Variants in MTG2 observed in about 807,000 individuals in gnomAD.
MTG2 encodes mitochondrial ribosome associated GTPase 2, also known as mitochondrial ribosome-associated GTPase 2.
A neutral mutation model predicts 28.6 loss-of-function variants in MTG2; 23 were observed. The ratio of observed to expected loss-of-function variants is 0.80; its 90% confidence interval spans 0.58 to 1.14. The LOEUF is 1.14. MTG2 is among the 50% of genes most tolerant of loss of function. The pLI, the probability that MTG2 is intolerant of heterozygous loss-of-function variation, is 0.00. For synonymous variants in MTG2, 260 were observed against 251.8 expected, an observed-to-expected ratio of 1.03 and a Z score of -0.31; for missense variants, 539 against 552.0, an observed-to-expected ratio of 0.98 and a Z score of 0.24.
At chr20:62,191,025 A>T (rs537352978) in intron 1 of MTG2, among the ~76,000 whole-genome samples, 1 of 152,248 alleles carries the variant, frequency 6.6e-6, no homozygotes, top group Non-Finnish European at 1.5e-5. Flanking sequence ...GGGGTTGAGC[A>T]GCTCCATAAA....
In MTG2 at chr20:62,197,768, G is replaced by A. The variant is rs1025215273; in HGVS notation, c.353-84G>A. 6 of 1,164,598 alleles carry A rather than the reference G, an allele frequency of 5.2e-6. No homozygotes were observed. In the Middle Eastern group the frequency reaches 9.5e-4, roughly 185 times the overall value. The allele number at this position is 1,164,598 out of a possible 1,614,324, so 72.1% of individuals were successfully genotyped here. A position where few individuals can be genotyped will look rare whatever the true frequency, so the allele number is the denominator to read the frequency against. On this transcript the variant is annotated intron_variant, in intron 3 of 6. Coordinates refer to ENST00000370823, the MANE Select transcript of MTG2 (RefSeq NM_015666.4). ...CCATGCTTCCATACCTATTTTTAAGGTTCTTAAACTGGACCCAGACACATC... is the reference window on the plus strand; with the variant it reads ...CCATGCTTCCATACCTATTTTTAAGATTCTTAAACTGGACCCAGACACATC...
At position 62,195,809 on chromosome 20, in the gene MTG2, A is replaced by G. The variant is rs1433244838; in HGVS notation, c.212A>G (p.Tyr71Cys). 6.2e-7 allele frequency: 1 copy of G among 1,614,174 alleles called. No individual in the cohort carries two copies. Among genetic ancestry groups the G allele is most frequent in the South Asian group, 1.1e-5 (1 of 91,080 alleles). ...TATTTGTGTTCTCTGTAGAAAAGGT[A>G]CTTTGTGGACTATCGGAGAGTGCTT... ...KLLSEKKLKR[Y>C]FVDYRRVLVC... The change falls in exon 3 of 7, where the codon TAC becomes TGC. Residue 71 changes from tyrosine (Y) to cysteine (C), a missense_variant. Transcript: ENST00000370823.
chr20:62,185,475 G>T (rs1034935565), intron 1 of MTG2, among the ~76,000 whole-genome samples: 7 of 151,788 alleles, frequency 4.6e-5, no homozygotes, highest in Non-Finnish European at 8.8e-5. Flanking sequence ...ACATGTATAT[G>T]TATGTACACA....
At position 62,202,861 on chromosome 20, in the gene MTG2, G is replaced by A. The variant is rs1054755790; in HGVS notation, c.*1784G>A. 1.3e-5 allele frequency: 2 copies of A among 152,262 alleles called. No homozygotes were observed. The highest frequency in any genetic ancestry group is 2.4e-5 in the African/African-American group (1 of 41,456). 9.4% of individuals were successfully genotyped at this position (152,262 alleles called of 1,614,324 possible). On this transcript the variant is annotated 3_prime_UTR_variant, in exon 7 of 7. Transcript: ENST00000370823. ...AGCCTCAGGTGAGATGAGCCGCAAG[G>A]GTCCGGGGCCGCGTCTCTGCACGCT...
At chr20:62,191,291 A>G (rs2057953535) in intron 1 of MTG2, among the ~76,000 whole-genome samples, 1 of 152,086 alleles carries the variant, frequency 6.6e-6, no homozygotes, top group African/African-American at 2.4e-5. Flanking sequence ...TCCTACAGGG[A>G]GAGGCACTGC....
intron 1 of MTG2, among the ~76,000 whole-genome samples, chr20:62,191,993 G>A (rs963092431): frequency 5.9e-5 from 9 of 152,282 alleles, no homozygotes; most frequent in African/African-American, 1.2e-4. Context: ...CTGTCGCTCC[G>A]GGGATATTTC....
intron 4 of MTG2, 74 bp from the exon 5 acceptor site, chr20:62,198,560 C>T: frequency 6.7e-7 from 1 of 1,484,402 alleles, no homozygotes; most frequent in Non-Finnish European, 9.2e-7. Flanking sequence ...TTAGCGCTTG[C>T]TTCAGGAATG....
intron 4 of MTG2, 125 bp from the exon 5 acceptor site, chr20:62,198,509 G>A (rs529088518): frequency 1.6e-5 from 16 of 993,984 alleles, no homozygotes; most frequent in East Asian, 5.2e-5. Context: ...TGAGTGGGGC[G>A]GGCAGCTGCC....
chr20:62,185,251 A>G (rs1421033668), intron 1 of MTG2, among the ~76,000 whole-genome samples: 1 of 151,826 alleles, frequency 6.6e-6, no homozygotes, highest in Non-Finnish European at 1.5e-5. Context: ...GTCTCTACTA[A>G]AAATACAAAA....
At chr20:62,193,790 G>C in intron 2 of MTG2, 166 bp downstream of exon 2, 1 of 703,656 alleles carries the variant, frequency 1.4e-6, no homozygotes, top group South Asian at 1.9e-5. Context: ...GCAGGCCTGC[G>C]TGCTAAATCC....
intron 1 of MTG2, among the ~76,000 whole-genome samples, chr20:62,190,494 C>T (rs1463959035): frequency 6.6e-6 from 1 of 152,262 alleles, no homozygotes; most frequent in African/African-American, 2.4e-5. Context: ...ATTCCTTATA[C>T]AGCAGCTGTA....
At chr20:62,196,176 T>G (rs78913799) in intron 3 of MTG2, among the ~76,000 whole-genome samples, 34,601 of 151,002 alleles carry the variant, frequency 0.23, 4,231 homozygotes, top group South Asian at 0.39. Context: ...TGTTTTTTTT[T>G]TTTTGCCTCA....
chr20:62,200,413 GTACTC>G, intron 6 of MTG2: 1 of 408,454 alleles, frequency 2.4e-6, no homozygotes, highest in Non-Finnish European at 4.3e-6. Flanking sequence ...GGTATGAAAT[GTACTC>G]TACTAGATAG....
At chr20:62,189,677 T>TG (rs951222076) in intron 1 of MTG2, among the ~76,000 whole-genome samples, 3 of 150,444 alleles carry the variant, frequency 2.0e-5, no homozygotes, top group Admixed American at 6.6e-5. Flanking sequence ...TTTTTTTTTT[T>TG]TTTTTTGAGA....
Position 62,199,220 on chromosome 20 carries a change from C to T in MTG2, c.789C>T (p.Val263=), listed in dbSNP as rs112220821. 4.7e-5 allele frequency: 76 copies of T among 1,614,054 alleles called. No homozygotes were observed. The highest frequency in any genetic ancestry group is 1.2e-4 in the African/African-American group (9 of 74,944). Residue 263 remains valine (V), a synonymous_variant, in exon 6 of 7, where the codon GTC becomes GTT. Coordinates refer to ENST00000370823, the MANE Select transcript of MTG2 (RefSeq NM_015666.4). ...CGTTCACCACCCTGAAGCCCCACGT[C>T]GGGATCGTCCACTACGAAGGCCACC... The part of the protein sequence containing the change: ...SYPFTTLKPH[V]GIVHYEGHLQ...
chr20:62,198,977 A>G, intron 5 of MTG2, 125 bp downstream of exon 5: 7 of 1,533,196 alleles, frequency 4.6e-6, no homozygotes, highest in Non-Finnish European at 6.2e-6. Context: ...TCCCATCAGT[A>G]CACTGCTGAC....
In MTG2 at chr20:62,201,093, G is replaced by C. The variant is rs759302451; in HGVS notation, c.*16G>C. On this transcript the variant is annotated 3_prime_UTR_variant, in exon 7 of 7. Coordinates refer to ENST00000370823, the MANE Select transcript of MTG2 (RefSeq NM_015666.4). ...CAGGTGGTAGCCACGCCAGAGCGGG[G>C]TCGCCTCTGGGCCTCTGTCTGAGCA... The C allele has an allele frequency of 6.4e-7, 1 of 1,572,870 alleles. No individual in the cohort carries two copies. The highest frequency in any genetic ancestry group is 8.6e-7 in the Non-Finnish European group (1 of 1,162,902).
chr20:62,192,341 A>T (rs1157424009), intron 1 of MTG2, among the ~76,000 whole-genome samples: 1 of 152,216 alleles, frequency 6.6e-6, no homozygotes, highest in Non-Finnish European at 1.5e-5. Flanking sequence ...CACAGCGGGC[A>T]CAGGCAGGCA....
intron 1 of MTG2, among the ~76,000 whole-genome samples, chr20:62,192,595 T>C (rs2057981172): frequency 6.6e-6 from 1 of 152,100 alleles, no homozygotes; most frequent in Non-Finnish European, 1.5e-5. Flanking sequence ...AGGTCCAGGC[T>C]TCTCATCGTG....
Sources: allele counts gnomAD v4.1 joint callset (sites outside exome capture counted in the v4.1 genomes callset), GRCh38; gene constraint gnomAD v4.1.1; transcripts MANE v1.5; gene names NCBI Gene and HGNC (gene_info 2026-07-23, HGNC 2026-07-21).